The following KIAA0319L variants were observed in gnomAD, a reference collection of about 807,000 sequenced individuals.
KIAA0319L encodes KIAA0319 like, also known as dyslexia-associated protein KIAA0319-like protein.
KIAA0319L carries 55 observed loss-of-function variants against 120.1 expected under a neutral mutation model. The ratio of observed to expected loss-of-function variants is 0.46; its 90% confidence interval spans 0.37 to 0.57. KIAA0319L has a LOEUF of 0.57. Ranked by LOEUF, KIAA0319L falls within the 20% of genes least tolerant of loss-of-function variation. KIAA0319L has a pLI of 0.00. For synonymous variants in KIAA0319L, 398 were observed against 471.9 expected (o/e 0.84, Z 2.03); for missense variants, 1,049 against 1,255.3 (o/e 0.84, Z 2.48).
At chr1:35,479,932 A>C (rs542152260) in intron 3 of KIAA0319L, among the ~76,000 whole-genome samples, 241 of 62,696 alleles carry the variant, frequency 3.8e-3, no homozygotes, top group Admixed American at 6.9e-3. Context: ...AAATATACCA[A>C]TGTTTATGAT....
Position 35,525,761 on chromosome 1 carries a change from G to A in KIAA0319L, c.143-18626C>T, listed in dbSNP as rs576914318. On this transcript the variant is annotated intron_variant, in intron 2 of 20. Transcript: ENST00000325722. ...TCCCTTGTCACCAGACAGATATTTT[G>A]CAAATATTTTCTCCCATTCAACGGG... Among the ~76,000 whole-genome samples the A allele has an allele frequency of 5.3e-5, 8 of 152,214 alleles. No individual in the cohort carries two copies. In the South Asian group the frequency reaches 1.7e-3, roughly 32 times the overall value.
intron 8 of KIAA0319L, 81 bp from the exon 9 acceptor site, chr1:35,460,518 T>G: frequency 1.6e-6 from 2 of 1,254,024 alleles, no homozygotes; most frequent in East Asian, 2.4e-5. Flanking sequence ...CCAGGACAAC[T>G]ACCCAGAGAT....
chr1:35,479,021 A>T lies in KIAA0319L; in HGVS notation c.858T>A (p.Ser286Arg). 6.2e-7 allele frequency: 1 copy of T among 1,614,106 alleles called. No individual in the cohort carries two copies. The highest frequency in any genetic ancestry group is 8.5e-7 in the Non-Finnish European group (1 of 1,180,016). The change falls in exon 4 of 21, where the codon AGT becomes AGA. Residue 286 changes from serine to arginine, a missense_variant. Physicochemically the swap from Ser to Arg is moderately radical, Grantham distance 110. Coordinates refer to ENST00000325722, the MANE Select transcript of KIAA0319L (RefSeq NM_024874.5). ...AGGCCTGGGGGGTAGGGGTAGCATA[A>T]CTGTAGGAGGGAGCCACTGGCTGGG... ...AVPQPVAPSY[S>R]YATPTPQASF...
intron 4 of KIAA0319L, among the ~76,000 whole-genome samples, chr1:35,475,332 A>G (rs539645931): frequency 6.6e-6 from 1 of 152,286 alleles, no homozygotes; most frequent in Non-Finnish European, 1.5e-5. Flanking sequence ...TGTTTCAAGT[A>G]TCACCTTTAT....
chr1:35,539,584 G>A (rs560884861), intron 2 of KIAA0319L, among the ~76,000 whole-genome samples: 1 of 152,192 alleles, frequency 6.6e-6, no homozygotes, highest in Non-Finnish European at 1.5e-5. Flanking sequence ...TCAGCATATG[G>A]GGCTGCTTGC....
chr1:35,487,986 G>A (rs1214895603), intron 3 of KIAA0319L, among the ~76,000 whole-genome samples: 3 of 152,152 alleles, frequency 2.0e-5, no homozygotes, highest in African/African-American at 7.2e-5. Context: ...AAGCCCTCCT[G>A]CTAAATTTTC....
intron 4 of KIAA0319L, 29 bp downstream of exon 4, chr1:35,478,937 C>T (rs1558415325): frequency 1.9e-6 from 3 of 1,602,826 alleles, no homozygotes; most frequent in East Asian, 2.2e-5. Context: ...CTACTTTTTC[C>T]TTCTATCTCC....
At chr1:35,516,203 G>A (rs1645673570) in intron 2 of KIAA0319L, among the ~76,000 whole-genome samples, 1 of 152,126 alleles carries the variant, frequency 6.6e-6, no homozygotes, top group Non-Finnish European at 1.5e-5. Flanking sequence ...CAATCCATGA[G>A]GCCAGCATCA....
At chr1:35,463,446 T>G (rs1466007931) in intron 7 of KIAA0319L, among the ~76,000 whole-genome samples, 1 of 152,204 alleles carries the variant, frequency 6.6e-6, no homozygotes, top group Non-Finnish European at 1.5e-5. Flanking sequence ...TGGCACAGAC[T>G]GTGCTGAAAA....
intron 3 of KIAA0319L, among the ~76,000 whole-genome samples, chr1:35,485,766 C>A (rs778277367): frequency 1.5e-4 from 23 of 152,154 alleles, no homozygotes; most frequent in Non-Finnish European, 2.5e-4. Flanking sequence ...ATTAAGTCTA[C>A]CCCCTCTGGC....
chr1:35,503,865 G>A (rs1050252255), intron 3 of KIAA0319L, among the ~76,000 whole-genome samples: 2 of 151,270 alleles, frequency 1.3e-5, no homozygotes, highest in Non-Finnish European at 2.9e-5. Context: ...TGAATACTAA[G>A]TATATTTTCC....
chr1:35,478,286 G>T (rs1047561521), intron 4 of KIAA0319L, among the ~76,000 whole-genome samples: 2 of 149,052 alleles, frequency 1.3e-5, no homozygotes, highest in East Asian at 2.0e-4. Context: ...TAAGAGGGAG[G>T]GGGGGATGGT....
At chr1:35,552,793 C>T (rs552567889) in intron 2 of KIAA0319L, among the ~76,000 whole-genome samples, 145 of 152,130 alleles carry the variant, frequency 9.5e-4, no homozygotes, top group Non-Finnish European at 1.8e-3. Context: ...GCCAGGCAGA[C>T]GGGTGTAGTT....
chr1:35,503,199 A>C (rs1645072815), intron 3 of KIAA0319L, among the ~76,000 whole-genome samples: 1 of 152,214 alleles, frequency 6.6e-6, no homozygotes, highest in African/African-American at 2.4e-5. Context: ...AAGAAAAAAC[A>C]AGAAAGAGAT....
intron 5 of KIAA0319L, among the ~76,000 whole-genome samples, chr1:35,473,942 T>G (rs1324818641): frequency 6.6e-6 from 1 of 152,258 alleles, no homozygotes; most frequent in African/African-American, 2.4e-5. Flanking sequence ...TATGTGTTTG[T>G]AAGTCAAACT....
intron 3 of KIAA0319L, among the ~76,000 whole-genome samples, chr1:35,503,132 C>A (rs543392831): frequency 3.3e-5 from 5 of 152,184 alleles, no homozygotes; most frequent in African/African-American, 1.2e-4. Flanking sequence ...CCCACTCCCC[C>A]CAATCCCATC....
intron 2 of KIAA0319L, among the ~76,000 whole-genome samples, chr1:35,538,908 T>C (rs1404066004): frequency 6.6e-6 from 1 of 152,110 alleles, no homozygotes; most frequent in Admixed American, 6.6e-5. Flanking sequence ...TCAACACTCC[T>C]GACTGCCAAA....
chr1:35,444,531 T>C (rs902890231), intron 16 of KIAA0319L, among the ~76,000 whole-genome samples: 2 of 152,190 alleles, frequency 1.3e-5, no homozygotes. Flanking sequence ...GGTCACACAG[T>C]TGATTATGGC....
chr1:35,494,516 C>T (rs1558475241), intron 3 of KIAA0319L, among the ~76,000 whole-genome samples: 1 of 151,736 alleles, frequency 6.6e-6, no homozygotes, highest in Non-Finnish European at 1.5e-5. Flanking sequence ...AGAGTTAGGC[C>T]GGGTGTGGTG....
Sources: allele counts gnomAD v4.1 joint callset (sites outside exome capture counted in the v4.1 genomes callset), GRCh38; gene constraint gnomAD v4.1.1; transcripts MANE v1.5; gene names NCBI Gene and HGNC (gene_info 2026-07-23, HGNC 2026-07-21).